Variants in TMEM164 observed in about 807,000 individuals in gnomAD.
TMEM164 encodes the protein transmembrane protein 164, also known as RP13-360B22.2.
A neutral mutation model predicts 18.8 loss-of-function variants in TMEM164; 4 were observed. The observed-to-expected ratio is 0.21, with a 90% CI of 0.10 to 0.49. The LOEUF is 0.49. Among genes scored for constraint, TMEM164 ranks in the 20% least tolerant of loss-of-function variants. The pLI, the probability that TMEM164 is intolerant of heterozygous loss-of-function variation, is 0.98. For missense variants in TMEM164, 108 were observed against 239.9 expected, an observed-to-expected ratio of 0.45 and a Z score of 3.63; for synonymous variants, 86 against 101.7, an observed-to-expected ratio of 0.85 and a Z score of 0.93.
intron 4 of TMEM164, among the ~76,000 whole-genome samples, chrX:110,124,139 G>A (rs2066491754): frequency 1.3e-5 from 1 of 77,785 alleles, no homozygotes; most frequent in African/African-American, 4.8e-5. Context: ...AGGAAGGAAG[G>A]AAGGAAGGAA....
At chrX:110,144,516 A>T (rs890023456) in intron 4 of TMEM164, among the ~76,000 whole-genome samples, 5 of 111,833 alleles carry the variant, frequency 4.5e-5, no homozygotes, top group African/African-American at 1.6e-4. Context: ...CACCAAGGGG[A>T]TATATTATAT....
At chrX:110,026,077 G>A (rs1394136039) in intron 2 of TMEM164, among the ~76,000 whole-genome samples, 3 of 112,243 alleles carry the variant, frequency 2.7e-5, no homozygotes, top group Non-Finnish European at 5.6e-5. Context: ...TACATATTAG[G>A]TATTCAAAAA....
At position 110,046,568 on chromosome X, in the gene TMEM164, A is replaced by G. The variant is rs556116426; in HGVS notation, c.391-20779A>G. On this transcript the variant is annotated intron_variant, in intron 2 of 6. Coordinates refer to ENST00000372068, the MANE Select transcript of TMEM164 (RefSeq NM_032227.4). ...TTTTATACCTTCTTTCTGTTAATAAATGCTGCCTGTTTGAGTTTCTCTTCT... is the reference window on the plus strand; with the variant it reads ...TTTTATACCTTCTTTCTGTTAATAAGTGCTGCCTGTTTGAGTTTCTCTTCT... The G allele has an allele frequency of 5.9e-5, 37 of 625,833 alleles. No homozygotes were observed. In the South Asian group the frequency reaches 2.5e-3, roughly 42 times the overall value. The allele number at this position is 625,833 out of a possible 1,213,427, so 51.6% of individuals were successfully genotyped here.
intron 4 of TMEM164, among the ~76,000 whole-genome samples, chrX:110,134,117 T>C (rs925997904): frequency 8.9e-6 from 1 of 111,800 alleles, no homozygotes; most frequent in African/African-American, 3.3e-5. Flanking sequence ...CAGCATCTTT[T>C]ATGGGCTCAA....
At chrX:110,079,704 T>TTAA (rs1489528659) in intron 3 of TMEM164, among the ~76,000 whole-genome samples, 5 of 111,219 alleles carry the variant, frequency 4.5e-5, no homozygotes, top group Non-Finnish European at 9.4e-5. Flanking sequence ...GTTTCTGCTA[T>TTAA]TAATCATTGG....
At chrX:110,131,249 C>T (rs1333495405) in intron 4 of TMEM164, among the ~76,000 whole-genome samples, 1 of 111,756 alleles carries the variant, frequency 8.9e-6, no homozygotes, top group Non-Finnish European at 1.9e-5. Flanking sequence ...AGGCTGAGTG[C>T]CCTTGAGCTG....
intron 2 of TMEM164, among the ~76,000 whole-genome samples, chrX:110,053,273 G>A (rs1194802857): frequency 9.0e-6 from 1 of 111,443 alleles, no homozygotes; most frequent in Non-Finnish European, 1.9e-5. Context: ...TTTAATTTTG[G>A]TTGACAGGGT....
At chrX:110,104,045 C>T (rs2066149981) in intron 3 of TMEM164, among the ~76,000 whole-genome samples, 1 of 111,586 alleles carries the variant, frequency 9.0e-6, no homozygotes, top group South Asian at 3.7e-4. Flanking sequence ...TTAAGTATGT[C>T]ATGAATGAAT....
intron 2 of TMEM164, among the ~76,000 whole-genome samples, chrX:110,066,820 G>A (rs1936359930): frequency 9.0e-6 from 1 of 111,605 alleles, no homozygotes; most frequent in Non-Finnish European, 1.9e-5. Context: ...ATCAAAGGGA[G>A]GCTTGGAACC....
intron 3 of TMEM164, among the ~76,000 whole-genome samples, chrX:110,091,276 T>A (rs1326399150): frequency 1.8e-5 from 2 of 112,599 alleles, no homozygotes; most frequent in East Asian, 2.8e-4. Flanking sequence ...CCTTGAGGAA[T>A]CGCCACACAG....
Position 110,150,626 on chromosome X carries a change from T to C in TMEM164, c.586+5750T>C, listed in dbSNP as rs184482615. 2.2e-3 allele frequency among the ~76,000 whole-genome samples: 244 copies of C among 112,565 alleles called. 1 individual carries two copies. Among genetic ancestry groups the C allele is most frequent in the Non-Finnish European group, 3.6e-3 (194 of 53,290 alleles). ...CTCCACGAGTAACTACTATTTTTGG[T>C]TTTTGTATATCCTCCCAGAGTTTGT... On this transcript the variant is annotated intron_variant, in intron 5 of 6. Transcript: ENST00000372068.
intron 5 of TMEM164, among the ~76,000 whole-genome samples, chrX:110,169,388 T>G (rs781530489): frequency 1.3e-4 from 14 of 111,254 alleles, no homozygotes; most frequent in African/African-American, 3.6e-4. Flanking sequence ...TCATGGTGAT[T>G]TTCCCCCCAC....
Position 110,085,822 on chromosome X carries a change from A to G in TMEM164, c.440+18426A>G, listed in dbSNP as rs181655840. Among the ~76,000 whole-genome samples, 483 of 112,148 alleles carry G rather than the reference A, an allele frequency of 4.3e-3. 1 individual carries two copies. Among genetic ancestry groups the G allele is most frequent in the African/African-American group, 0.014 (437 of 30,897 alleles). ...TCCCACTCCTAGCACACAGTGTGCC[A>G]GTACCAATTCTGCCATTTCTGCCCT... On this transcript the variant is annotated intron_variant, in intron 3 of 6. Transcript: ENST00000372068.
chrX:110,110,850 A>G (rs1488865970), intron 4 of TMEM164, among the ~76,000 whole-genome samples: 1 of 112,585 alleles, frequency 8.9e-6, no homozygotes, highest in African/African-American at 3.2e-5. Flanking sequence ...GATCAGCATC[A>G]CATGGGTGTT....
chrX:110,030,944 T>C (rs1260824526), intron 2 of TMEM164, among the ~76,000 whole-genome samples: 2 of 111,933 alleles, frequency 1.8e-5, no homozygotes, highest in Non-Finnish European at 3.8e-5. Context: ...CTGGGATACA[T>C]GTGCAGAACG....
chrX:110,116,876 GGTGT>G (rs34180052), intron 4 of TMEM164, among the ~76,000 whole-genome samples: 365 of 98,960 alleles, frequency 3.7e-3, no homozygotes, highest in Non-Finnish European at 5.7e-3. Context: ...GTGTGTGTGT[GGTGT>G]GTGTGTGTGT....
chrX:110,088,130 G>A (rs993234820), intron 3 of TMEM164, among the ~76,000 whole-genome samples: 1 of 112,113 alleles, frequency 8.9e-6, no homozygotes, highest in African/African-American at 3.2e-5. Context: ...TTTTTAAATA[G>A]CATGACTTTC....
intron 3 of TMEM164, among the ~76,000 whole-genome samples, chrX:110,098,745 A>T (rs945502062): frequency 3.6e-5 from 4 of 110,536 alleles, no homozygotes; most frequent in Non-Finnish European, 5.7e-5. Flanking sequence ...ATATTCAATA[A>T]CAACTTCTTT....
intron 2 of TMEM164, among the ~76,000 whole-genome samples, chrX:110,039,460 A>G (rs1243187884): frequency 8.9e-6 from 1 of 112,788 alleles, no homozygotes; most frequent in African/African-American, 3.2e-5. Context: ...TTTGCCAAGG[A>G]AATCTAAAGC....
Sources: gnomAD v4.1 joint callset for allele counts (sites outside exome capture counted in the v4.1 genomes callset) on GRCh38, gnomAD v4.1.1 for gene constraint, MANE v1.5 for transcripts, NCBI Gene and HGNC (gene_info 2026-07-23, HGNC 2026-07-21) for gene names.